KCNB2: variants seen among roughly 807,000 people sequenced by gnomAD.
The protein encoded by KCNB2 is delayed rectifier potassium channel protein.
Under a neutral mutation model 61.5 loss-of-function variants are expected in KCNB2, and 15 were observed. That is an observed-to-expected ratio of 0.24 (90% CI 0.16 to 0.38). The LOEUF is 0.38. Ranked by LOEUF, KCNB2 falls within the 10% of genes least tolerant of loss-of-function variation. The pLI is 1.00. For missense variants in KCNB2, 828 were observed against 1,125.2 expected, an observed-to-expected ratio of 0.74 and a Z score of 3.78; for synonymous variants, 457 against 446.0, an observed-to-expected ratio of 1.02 and a Z score of -0.31.
chr8:72,566,095 A>G (rs1806620339), intron 1 of KCNB2, among the ~76,000 whole-genome samples: 1 of 152,178 alleles, frequency 6.6e-6, no homozygotes, highest in Non-Finnish European at 1.5e-5. Context: ...TTTCTAGAAC[A>G]CAGTATGGAA....
Position 72,936,724 on chromosome 8 carries a change from G to A in KCNB2, c.1369G>A (p.Ala457Thr). The A allele has an allele frequency of 3.1e-6, 5 of 1,614,188 alleles. No individual in the cohort carries two copies. The highest frequency in any genetic ancestry group is 3.4e-6 in the Non-Finnish European group (4 of 1,180,040). The change falls in exon 3 of 3, where the codon GCC (alanine) becomes ACC (threonine). Residue 457 changes from alanine (A) to threonine (T), a missense_variant. Ala to Thr is a moderately conservative substitution (Grantham distance 58). Coordinates refer to ENST00000523207, the MANE Select transcript of KCNB2 (RefSeq NM_004770.3). This position sits in a 1 kb window ranked among gnomAD's most constrained non-coding sequence, Gnocchi z 5.6. ...CATCGTTTCTATGAACTTAAAAGAT[G>A]CCTTCGCTCGAAGTATGGAACTGAT... ...GSIVSMNLKD[A>T]FARSMELIDV...
intron 2 of KCNB2, among the ~76,000 whole-genome samples, chr8:72,886,389 C>T (rs887990062): frequency 1.4e-4 from 22 of 152,186 alleles, no homozygotes; most frequent in Admixed American, 1.3e-3. Flanking sequence ...GAAAGCCAAG[C>T]CACACAGAAA....
At chr8:72,558,455 A>G (rs1421339266) in intron 1 of KCNB2, among the ~76,000 whole-genome samples, 1 of 152,246 alleles carries the variant, frequency 6.6e-6, no homozygotes, top group Non-Finnish European at 1.5e-5. Context: ...CCGGGAAGGT[A>G]CTTATCCTTG....
At chr8:72,621,449 GA>G (rs1281903810) in intron 2 of KCNB2, among the ~76,000 whole-genome samples, 2 of 152,190 alleles carry the variant, frequency 1.3e-5, no homozygotes, top group Admixed American at 1.3e-4. Flanking sequence ...TTGCTTCCCA[GA>G]AAGTTGGTTT....
Position 72,610,908 on chromosome 8 carries a change from G to A in KCNB2, c.579+42595G>A, listed in dbSNP as rs1351273669. ...CCTCAGGTGAAATCCAATGAGATCA[G>A]ATTTGTCAGAAAAAATGATTTTGTC... On this transcript the variant is annotated intron_variant, in intron 2 of 2. Transcript: ENST00000523207. Among the ~76,000 whole-genome samples, 28 of 152,154 alleles carry A rather than the reference G, an allele frequency of 1.8e-4. No individual in the cohort carries two copies. The South Asian group carries it at 1.9e-3, about 10-fold the overall frequency.
In KCNB2 at chr8:72,937,442, C is replaced by T. The variant is rs750407484; in HGVS notation, c.2087C>T (p.Ala696Val). The change falls in exon 3 of 3, where the codon GCC becomes GTC. Residue 696 changes from alanine to valine, a missense_variant. This residue lies in a region of KCNB2 where 559 missense variants were observed against 588.4 expected (regional missense o/e 0.95). Coordinates refer to ENST00000523207, the MANE Select transcript of KCNB2 (RefSeq NM_004770.3). ...CATAGTCCTTTGCAGTCTGACAATG[C>T]CACCGACAGTCCTAAGAGCTCTCTA... is the stretch of plus-strand genomic sequence containing the variant. Reference protein sequence around the residue: ...GLHSPLQSDNATDSPKSSLKG... With the variant: ...GLHSPLQSDNVTDSPKSSLKG... The T allele has an allele frequency of 3.1e-6, 5 of 1,613,964 alleles. No individual in the cohort carries two copies. The Admixed American group carries it at 6.7e-5, about 22-fold the overall frequency.
At chr8:72,846,272 G>T (rs1809992224) in intron 2 of KCNB2, among the ~76,000 whole-genome samples, 1 of 152,094 alleles carries the variant, frequency 6.6e-6, no homozygotes, top group Admixed American at 6.5e-5. Context: ...TCCATGGGCT[G>T]CACCCACTGT....
Position 72,936,901 on chromosome 8 carries a change from A to C in KCNB2, c.1546A>C (p.Ser516Arg), listed in dbSNP as rs1030061101. 1.2e-6 allele frequency: 2 copies of C among 1,614,060 alleles called. No individual in the cohort carries two copies. The highest frequency in any genetic ancestry group is 1.7e-5 in the Admixed American group (1 of 60,002). The change falls in exon 3 of 3, where the codon AGC becomes CGC. Residue 516 changes from serine (S) to arginine (R), a missense_variant. Physicochemically the swap from Ser to Arg is moderately radical, Grantham distance 110. Around this residue, in one of 4 missense-constraint regions of KCNB2, gnomAD observed 559 missense variants for 588.4 expected, o/e 0.95. Transcript: ENST00000523207. This position sits in a 1 kb window ranked among gnomAD's most constrained non-coding sequence, Gnocchi z 5.6. ...TTTCGAGAATAAGTACCAGGAGGTT[A>C]GCCAAAAAGACTCCCACGAGCAGCT... ...KSFENKYQEV[S>R]QKDSHEQLNN...
At chr8:72,707,330 G>A (rs978907210) in intron 2 of KCNB2, among the ~76,000 whole-genome samples, 6 of 152,190 alleles carry the variant, frequency 3.9e-5, no homozygotes, top group Non-Finnish European at 1.5e-5. Flanking sequence ...GCCCAGAGAA[G>A]ATGAAAAATA....
chr8:72,702,837 A>G (rs73309811), intron 2 of KCNB2, among the ~76,000 whole-genome samples: 6,483 of 152,176 alleles, frequency 0.043, 188 homozygotes, highest in African/African-American at 0.084. Flanking sequence ...CAGCTGTGTC[A>G]CCAGGTGTTA....
intron 2 of KCNB2, among the ~76,000 whole-genome samples, chr8:72,898,331 T>C (rs1806025575): frequency 6.6e-6 from 1 of 151,884 alleles, no homozygotes; most frequent in Non-Finnish European, 1.5e-5. Flanking sequence ...TTAGGAGATA[T>C]ACCTAATGTT....
intron 2 of KCNB2, among the ~76,000 whole-genome samples, chr8:72,794,074 G>A (rs536223973): frequency 6.6e-6 from 1 of 152,274 alleles, no homozygotes; most frequent in East Asian, 1.9e-4. Context: ...AATGGATTTG[G>A]GCCAACTCAG....
chr8:72,918,687 TCCA>T (rs1806447046), intron 2 of KCNB2, among the ~76,000 whole-genome samples: 1 of 152,190 alleles, frequency 6.6e-6, no homozygotes, highest in Non-Finnish European at 1.5e-5. Flanking sequence ...AAAATATTAC[TCCA>T]ATAGTAGGAG....
At chr8:72,927,855 A>T (rs984768332) in intron 2 of KCNB2, among the ~76,000 whole-genome samples, 7 of 152,162 alleles carry the variant, frequency 4.6e-5, no homozygotes, top group Admixed American at 1.3e-4. Flanking sequence ...GCAAACCATC[A>T]TCTTTTGGGC....
chr8:72,817,303 C>A (rs1419201520), intron 2 of KCNB2, among the ~76,000 whole-genome samples: 1 of 152,118 alleles, frequency 6.6e-6, no homozygotes, highest in East Asian at 1.9e-4. Flanking sequence ...TCGCCGTACA[C>A]CCCCTCACCG....
intron 2 of KCNB2, among the ~76,000 whole-genome samples, chr8:72,857,266 T>G (rs1810221274): frequency 6.6e-6 from 1 of 152,096 alleles, no homozygotes; most frequent in African/African-American, 2.4e-5. Context: ...AGAGGTTCAT[T>G]AAGGAAGAGT....
At chr8:72,734,251 C>A (rs1208921420) in intron 2 of KCNB2, among the ~76,000 whole-genome samples, 1 of 152,160 alleles carries the variant, frequency 6.6e-6, no homozygotes, top group Non-Finnish European at 1.5e-5. Flanking sequence ...CCTGTACAGG[C>A]AGCTTTGGTG....
intron 2 of KCNB2, among the ~76,000 whole-genome samples, chr8:72,639,789 C>T (rs953845724): frequency 1.3e-5 from 2 of 151,958 alleles, no homozygotes; most frequent in South Asian, 2.1e-4. Context: ...GGCATGACAT[C>T]GGTCTATTTT....
Position 72,647,615 on chromosome 8 carries a change from G to T in KCNB2, c.579+79302G>T, listed in dbSNP as rs1158398189. Among the ~76,000 whole-genome samples, 5 of 152,216 alleles carry T rather than the reference G, an allele frequency of 3.3e-5. No individual in the cohort carries two copies. In the South Asian group the frequency reaches 1.0e-3, roughly 32 times the overall value. Reference sequence around the variant, plus strand: ...TTTATTCAGTAACCACTGACAGTGGGGGGCAGAAAGGAGTTCCATTCTGAT... The same window carrying T: ...TTTATTCAGTAACCACTGACAGTGGTGGGCAGAAAGGAGTTCCATTCTGAT... On this transcript the variant is annotated intron_variant, in intron 2 of 2. Coordinates refer to ENST00000523207, the MANE Select transcript of KCNB2 (RefSeq NM_004770.3).
Sources: allele counts gnomAD v4.1 joint callset (sites outside exome capture counted in the v4.1 genomes callset), GRCh38; gene constraint gnomAD v4.1.1; regional missense constraint gnomAD v4.1.1; non-coding constraint Gnocchi (gnomAD v3.1); transcripts MANE v1.5; gene names NCBI Gene and HGNC (gene_info 2026-07-23, HGNC 2026-07-21).